Variants in ANO10 observed in about 807,000 individuals in gnomAD.
ANO10 encodes the protein anoctamin-10.
In ANO10, 77 loss-of-function variants were observed where a neutral mutation model predicts 74.7. The ratio of observed to expected loss-of-function variants is 1.03; its 90% CI spans 0.86 to 1.25. The LOEUF (loss-of-function observed/expected upper bound fraction) is 1.25, where lower values mean the gene tolerates loss of function less well. ANO10 is among the 50% of genes most tolerant of loss of function. The probability of loss-of-function intolerance (pLI) is 0.00; values close to 1 mark genes in which losing one functional copy is unlikely to be tolerated. For missense variants in ANO10, 721 were observed against 778.1 expected (o/e 0.93, Z 0.87); for synonymous variants, 279 against 284.9 (o/e 0.98, Z 0.21).
chr3:43,550,970 T>C (rs915778770), intron 10 of ANO10, among the ~76,000 whole-genome samples: 1 of 152,226 alleles, frequency 6.6e-6, no homozygotes, highest in Admixed American at 6.5e-5. Flanking sequence ...CTTTTCAGCA[T>C]ACTACATACT....
intron 11 of ANO10, among the ~76,000 whole-genome samples, chr3:43,513,319 T>A (rs549143630): frequency 6.6e-6 from 1 of 152,228 alleles, no homozygotes; most frequent in Admixed American, 6.5e-5. Context: ...AAAATGGAAG[T>A]AAACTATTGT....
At chr3:43,607,370 A>C (rs75434851) in intron 1 of ANO10, among the ~76,000 whole-genome samples, 1 of 151,820 alleles carries the variant, frequency 6.6e-6, no homozygotes, top group Non-Finnish European at 1.5e-5. Context: ...CAAAAAAAAA[A>C]CCAAGGCAAT....
intron 7 of ANO10, among the ~76,000 whole-genome samples, chr3:43,571,158 T>G (rs1176205949): frequency 6.7e-6 from 1 of 150,146 alleles, no homozygotes; most frequent in Non-Finnish European, 1.5e-5. Context: ...CCAGTTAGAA[T>G]GGCAATCATT....
intron 2 of ANO10, among the ~76,000 whole-genome samples, chr3:43,603,369 G>T (rs1455329261): frequency 2.6e-5 from 4 of 151,758 alleles, no homozygotes; most frequent in Non-Finnish European, 1.5e-5. Flanking sequence ...CTTATTATTT[G>T]TTCTCATATT....
intron 11 of ANO10, among the ~76,000 whole-genome samples, chr3:43,436,926 C>T (rs1046207454): frequency 5.3e-5 from 8 of 152,130 alleles, no homozygotes; most frequent in Non-Finnish European, 1.2e-4. Flanking sequence ...CTGATTCCTA[C>T]AATGGTATGT....
chr3:43,424,528 T>C (rs1291255306), intron 12 of ANO10: 1 of 152,172 alleles, frequency 6.6e-6, no homozygotes, highest in African/African-American at 2.4e-5. Flanking sequence ...TTTCCAGTTT[T>C]TGCATTTCTG....
chr3:43,537,589 C>CTTTAT (rs1411085006), intron 11 of ANO10, among the ~76,000 whole-genome samples: 4 of 149,362 alleles, frequency 2.7e-5, no homozygotes, highest in African/African-American at 1.0e-4. Context: ...ATCTCAGGCT[C>CTTTAT]AGAGCAGGCA....
intron 3 of ANO10, among the ~76,000 whole-genome samples, chr3:43,599,957 T>G (rs2082262960): frequency 6.6e-6 from 1 of 152,204 alleles, no homozygotes; most frequent in South Asian, 2.1e-4. Context: ...TTTGTTGACT[T>G]AGAATTGATT....
At chr3:43,627,711 C>T (rs1253726150) in intron 1 of ANO10, among the ~76,000 whole-genome samples, 1 of 152,072 alleles carries the variant, frequency 6.6e-6, no homozygotes. Flanking sequence ...AAATCTTGCT[C>T]GTTTCTTATA....
At chr3:43,484,629 C>A (rs1326607566) in intron 11 of ANO10, among the ~76,000 whole-genome samples, 1 of 152,190 alleles carries the variant, frequency 6.6e-6, no homozygotes, top group Admixed American at 6.5e-5. Flanking sequence ...GCAACAAAGT[C>A]TATTTTATCA....
rs147505161 is a variant in ANO10, at chr3:43,627,871, T to C, written c.-11-22008A>G. On this transcript the variant is annotated intron_variant, in intron 1 of 3. Transcript: ENST00000413397. ...ACTCAGAATAAAATCTCATAGTTTA[T>C]AGTAGTTGGGTTTTTTGTTTGTTTG... 7.6e-4 allele frequency among the ~76,000 whole-genome samples: 116 copies of C among 152,166 alleles called. 1 individual carries two copies. The highest frequency in any genetic ancestry group is 2.7e-3 in the African/African-American group (111 of 41,536).
intron 11 of ANO10, among the ~76,000 whole-genome samples, chr3:43,486,781 T>G (rs2076508469): frequency 6.6e-6 from 1 of 152,128 alleles, no homozygotes; most frequent in African/African-American, 2.4e-5. Context: ...TTTTACTAAT[T>G]GAATACCCTT....
intron 12 of ANO10, among the ~76,000 whole-genome samples, chr3:43,389,004 T>G (rs1247173094): frequency 6.6e-6 from 1 of 152,216 alleles, no homozygotes; most frequent in Admixed American, 6.5e-5. Flanking sequence ...TCTATAAAGA[T>G]GGCATCTAGC....
rs988707854 is a variant in ANO10, at chr3:43,658,685, G to A, written c.-12+32832C>T. Among the ~76,000 whole-genome samples the A allele has an allele frequency of 2.6e-5, 4 of 152,050 alleles. No homozygotes were observed. The East Asian group carries it at 7.7e-4, about 29-fold the overall frequency. On this transcript the variant is annotated intron_variant, in intron 1 of 3. Coordinates refer to the ANO10 transcript ENST00000413397. ...GGATTTCACCACGTTGGCCAGGCTT[G>A]TCTTGAACTTCAGACTTCATGATTC...
chr3:43,454,105 A>G (rs1216500240), intron 11 of ANO10, among the ~76,000 whole-genome samples: 1 of 152,218 alleles, frequency 6.6e-6, no homozygotes, highest in Non-Finnish European at 1.5e-5. Flanking sequence ...TGAAGGAAGG[A>G]AGCTGGGCAG....
intron 1 of ANO10, among the ~76,000 whole-genome samples, chr3:43,670,574 G>A (rs995430408): frequency 3.9e-5 from 6 of 152,060 alleles, no homozygotes; most frequent in African/African-American, 7.2e-5. Flanking sequence ...TGGATTCAAC[G>A]TTCTTATATC....
chr3:43,484,559 T>C lies in ANO10; in HGVS notation c.1798-51832A>G, dbSNP rs2076391986. Reference sequence around the variant, plus strand: ...TTTCTATCGCCTTCAGGGTCTGCTGTCATGTGATGCTACACCAGAATCAGT... The same window carrying C: ...TTTCTATCGCCTTCAGGGTCTGCTGCCATGTGATGCTACACCAGAATCAGT... On this transcript the variant is annotated intron_variant, in intron 11 of 12. Transcript: ENST00000292246. Among the ~76,000 whole-genome samples the C allele has an allele frequency of 3.9e-5, 6 of 152,284 alleles. No homozygotes were observed. In the South Asian group the frequency reaches 1.2e-3, roughly 32 times the overall value.
chr3:43,474,021 T>C (rs2075968318), intron 11 of ANO10, among the ~76,000 whole-genome samples: 1 of 152,226 alleles, frequency 6.6e-6, no homozygotes, highest in Non-Finnish European at 1.5e-5. Flanking sequence ...AGTTTTGGAA[T>C]GATCCAAAGA....
chr3:43,580,562 A>G, intron 4 of ANO10, 90 bp from the exon 5 acceptor site: 1 of 1,531,208 alleles, frequency 6.5e-7, no homozygotes, highest in Non-Finnish European at 8.9e-7. Flanking sequence ...CACTCCACAG[A>G]GGAGTACAAC....
Sources: gnomAD v4.1 joint callset for allele counts (sites outside exome capture counted in the v4.1 genomes callset) on GRCh38, gnomAD v4.1.1 for gene constraint, MANE v1.5 for transcripts, NCBI Gene and HGNC (gene_info 2026-07-23, HGNC 2026-07-21) for gene names.